Variants in TPH1 observed in about 807,000 individuals in gnomAD.
TPH1 encodes tryptophan hydroxylase 1.
TPH1 carries 37 observed loss-of-function variants against 49.5 expected under a neutral mutation model. The ratio of observed to expected loss-of-function variants is 0.75; its 90% CI spans 0.58 to 0.98. The LOEUF is 0.98. Ranked by LOEUF, TPH1 falls within the 50% of genes least tolerant of loss-of-function variation. The probability of loss-of-function intolerance (pLI) is 0.00; values close to 1 mark genes in which losing one functional copy is unlikely to be tolerated. For missense variants in TPH1, 487 were observed against 523.6 expected (o/e 0.93, Z 0.68); for synonymous variants, 160 against 182.1 (o/e 0.88, Z 0.98).
At chr11:18,044,943 G>T (rs1418617891) in intron 1 of TPH1, among the ~76,000 whole-genome samples, 2 of 152,076 alleles carry the variant, frequency 1.3e-5, no homozygotes, top group African/African-American at 4.8e-5. Context: ...TGCGTCTCCT[G>T]GCCTAAGGAT....
chr11:18,027,945 T>G (rs931625359), intron 6 of TPH1, among the ~76,000 whole-genome samples: 5 of 152,230 alleles, frequency 3.3e-5, no homozygotes, highest in African/African-American at 1.2e-4. Flanking sequence ...TAAATAGATA[T>G]GTAGATTTTT....
At chr11:18,039,746 T>A (rs547356838) in intron 2 of TPH1, among the ~76,000 whole-genome samples, 30 of 152,320 alleles carry the variant, frequency 2.0e-4, no homozygotes, top group South Asian at 1.0e-3. Flanking sequence ...CAGCTCCACA[T>A]CCTTAGTGTC....
At chr11:18,024,103 A>G (rs1344595923) in intron 8 of TPH1, 120 bp from the exon 9 acceptor site, 2 of 756,468 alleles carry the variant, frequency 2.6e-6, no homozygotes, top group Admixed American at 2.0e-5. Flanking sequence ...AGTCTAGTTC[A>G]CAAGTCTTTC....
chr11:18,028,182 G>A (rs1292395512), intron 6 of TPH1, among the ~76,000 whole-genome samples: 1 of 152,122 alleles, frequency 6.6e-6, no homozygotes, highest in Non-Finnish European at 1.5e-5. Context: ...AAGTAAAGAG[G>A]CCTGGATCAA....
At chr11:18,028,942 G>A (rs1037789608) in intron 6 of TPH1, among the ~76,000 whole-genome samples, 6 of 152,056 alleles carry the variant, frequency 3.9e-5, no homozygotes, top group Non-Finnish European at 5.9e-5. Flanking sequence ...GCAGGTGCCT[G>A]TAGTCCCAGC....
intron 6 of TPH1, among the ~76,000 whole-genome samples, chr11:18,028,683 G>T (rs977139082): frequency 6.6e-6 from 1 of 152,126 alleles, no homozygotes; most frequent in Non-Finnish European, 1.5e-5. Context: ...ATCCTTCAAT[G>T]TGGTGCCCAA....
intron 10 of TPH1, 146 bp from the exon 11 acceptor site, chr11:18,021,311 A>C: frequency 1.3e-6 from 1 of 764,124 alleles, no homozygotes; most frequent in South Asian, 1.6e-5. Flanking sequence ...ACTTCTCTAC[A>C]CTACATTTGC....
intron 1 of TPH1, among the ~76,000 whole-genome samples, chr11:18,044,644 A>G (rs2098113545): frequency 6.6e-6 from 1 of 151,710 alleles, no homozygotes. Context: ...GGCATCAGTT[A>G]TTTTTTCCTC....
At chr11:18,042,331 AG>A in intron 1 of TPH1, 1 of 453,378 alleles carries the variant, frequency 2.2e-6, no homozygotes, top group South Asian at 1.6e-5. Context: ...AAATGTTTTT[AG>A]GGATGTGAAA....
At chr11:18,041,953 C>T (rs1264564306) in intron 1 of TPH1, among the ~76,000 whole-genome samples, 1 of 152,172 alleles carries the variant, frequency 6.6e-6, no homozygotes, top group Non-Finnish European at 1.5e-5. Context: ...AATTCACACA[C>T]TTGTTCATGG....
At chr11:18,040,029 T>TAATATCATTAAATATACTATGAC (rs1385842183) in intron 2 of TPH1, among the ~76,000 whole-genome samples, 1 of 151,510 alleles carries the variant, frequency 6.6e-6, no homozygotes, top group African/African-American at 2.4e-5. Flanking sequence ...TACATGAAAA[T>TAATATCATTAAATATACTATGAC]AATATCATTA....
chr11:18,040,753 C>T lies in TPH1; in HGVS notation c.10G>A (p.Asp4Asn). 2 of 1,612,058 alleles carry T rather than the reference C, an allele frequency of 1.2e-6. No homozygotes were observed. The highest frequency in any genetic ancestry group is 1.7e-6 in the Non-Finnish European group (2 of 1,179,004). The change falls in exon 2 of 11, where the codon GAC becomes AAC. Residue 4 changes from aspartate (D) to asparagine (N), a missense_variant. Physicochemically the swap from Asp to Asn is conservative, Grantham distance 23. Coordinates refer to ENST00000682019, the MANE Select transcript of TPH1 (RefSeq NM_004179.3). MIEDNKENKDHSLE... is the reference protein window; with the variant it reads MIENNKENKDHSLE... Reference sequence around the variant, plus strand: ...GAATGGTCTTTGTTCTCCTTATTGTCTTCAATCATGATGAATTTGGAGTAA... The same window carrying T: ...GAATGGTCTTTGTTCTCCTTATTGTTTTCAATCATGATGAATTTGGAGTAA...
intron 4 of TPH1, among the ~76,000 whole-genome samples, chr11:18,030,151 G>A (rs1847973212): frequency 6.6e-6 from 1 of 152,160 alleles, no homozygotes; most frequent in African/African-American, 2.4e-5. Flanking sequence ...GCTCAGGCCT[G>A]TAATCTCAAC....
intron 1 of TPH1, among the ~76,000 whole-genome samples, chr11:18,043,631 A>C (rs1374760147): frequency 6.6e-6 from 1 of 152,070 alleles, no homozygotes; most frequent in Admixed American, 6.5e-5. Flanking sequence ...CAAACAAACA[A>C]CAACAACAAC....
In TPH1 at chr11:18,040,754, T is replaced by C; in HGVS notation, c.9A>G (p.Glu3=). The C allele has an allele frequency of 6.2e-7, 1 of 1,612,200 alleles. No individual in the cohort carries two copies. The highest frequency in any genetic ancestry group is 1.1e-5 in the South Asian group (1 of 90,964). ...AATGGTCTTTGTTCTCCTTATTGTC[T>C]TCAATCATGATGAATTTGGAGTAAT... MI[E]DNKENKDHSL... Residue 3 remains glutamate (E), a synonymous_variant, in exon 2 of 11, where the codon GAA becomes GAG. Transcript: ENST00000682019.
chr11:18,043,788 C>T (rs956680484), intron 1 of TPH1, among the ~76,000 whole-genome samples: 6 of 151,972 alleles, frequency 3.9e-5, no homozygotes, highest in Non-Finnish European at 7.4e-5. Flanking sequence ...CTTGCTTGAG[C>T]TCAGGAGTTC....
chr11:18,021,039 A>T lies in TPH1; in HGVS notation c.1287T>A (p.Asp429Glu). Residue 429 changes from aspartate to glutamate, a missense_variant, in exon 11 of 11, where the codon GAT becomes GAA. By Grantham distance (45) the Asp-to-Glu change is conservative. Transcript: ENST00000682019. ...CCTTAGCAAGGGCATCACTGACAAC[A>T]TCGAGATCATGCTGCAGCTCATTCA... ...SAMNELQHDL[D>E]VVSDALAKVS... is the part of the protein sequence containing the mutation. 6.2e-7 allele frequency: 1 copy of T among 1,613,988 alleles called. No individual in the cohort carries two copies. Among genetic ancestry groups the T allele is most frequent in the African/African-American group, 1.3e-5 (1 of 74,984 alleles).
rs1020742848 is a variant in TPH1, at chr11:18,017,966, C to T, written c.*3025G>A. On this transcript the variant is annotated 3_prime_UTR_variant, in exon 11 of 11. Transcript: ENST00000682019. The stretch of plus-strand genomic sequence containing the variant: ...AACCGGCTGGGCATGGTGGCTCATG[C>T]TTGTAATCCCAGCACTTTGGGAGGC... 1 of 152,164 alleles carries T rather than the reference C, an allele frequency of 6.6e-6. No individual in the cohort carries two copies. Among genetic ancestry groups the T allele is most frequent in the Non-Finnish European group, 1.5e-5 (1 of 68,038 alleles). The allele number at this position is 152,164 out of a possible 1,614,324, so 9.4% of individuals were successfully genotyped here.
chr11:18,024,031 T>G (rs776388311), intron 8 of TPH1, 48 bp from the exon 9 acceptor site: 2 of 1,405,078 alleles, frequency 1.4e-6, no homozygotes, highest in East Asian at 4.6e-5. Context: ...GAATTCAACT[T>G]AAAACAAATT....
Sources: gnomAD v4.1 joint callset for allele counts (sites outside exome capture counted in the v4.1 genomes callset) on GRCh38, gnomAD v4.1.1 for gene constraint, MANE v1.5 for transcripts, NCBI Gene and HGNC (gene_info 2026-07-23, HGNC 2026-07-21) for gene names.